The following TMEM45B variants were observed in gnomAD, a reference collection of about 807,000 sequenced individuals.
The protein encoded by TMEM45B is transmembrane protein 45B.
Under a neutral mutation model 27.3 loss-of-function variants are expected in TMEM45B, and 29 were observed. The observed-to-expected ratio is 1.06, with a 90% CI of 0.79 to 1.45. The LOEUF (loss-of-function observed/expected upper bound fraction) is 1.45. Ranked by LOEUF, TMEM45B falls within the 40% of genes most tolerant of loss-of-function variation. TMEM45B has a pLI of 0.00. For missense variants in TMEM45B, 348 were observed against 343.9 expected (o/e 1.01, Z -0.09); for synonymous variants, 143 against 134.7 (o/e 1.06, Z -0.43).
At chr11:129,822,363 C>T (rs973887880) in intron 1 of TMEM45B, among the ~76,000 whole-genome samples, 5 of 152,240 alleles carry the variant, frequency 3.3e-5, no homozygotes, top group African/African-American at 1.2e-4. Flanking sequence ...CTGCCTTTCA[C>T]GTTGGAAGCT....
At chr11:129,855,940 C>A in intron 4 of TMEM45B, 48 bp downstream of exon 4, 1 of 1,596,814 alleles carries the variant, frequency 6.3e-7, no homozygotes, top group Non-Finnish European at 8.6e-7. Context: ...GGAGAAGCCC[C>A]CACCGAGCGC....
intron 1 of TMEM45B, among the ~76,000 whole-genome samples, chr11:129,839,525 A>C (rs1305579852): frequency 1.3e-5 from 2 of 152,192 alleles, no homozygotes; most frequent in African/African-American, 4.8e-5. Flanking sequence ...CCTTTGTGAA[A>C]GCACTTATTT....
chr11:129,839,221 G>T (rs1424304770), intron 1 of TMEM45B, among the ~76,000 whole-genome samples: 3 of 152,162 alleles, frequency 2.0e-5, no homozygotes, highest in African/African-American at 7.2e-5. Flanking sequence ...CTTCTTGGTG[G>T]CCAGCTTGGT....
chr11:129,837,600 T>TTTTTTTTA (rs1591441385), intron 1 of TMEM45B, among the ~76,000 whole-genome samples: 19 of 133,256 alleles, frequency 1.4e-4, no homozygotes, highest in South Asian at 5.2e-4. Flanking sequence ...TTTTTTTTTT[T>TTTTTTTTA]GAGACAGGGT....
rs536495864 is a variant in TMEM45B at position 129,815,886 on chromosome 11, G to A, written c.-21G>A. 329 of 1,304,488 alleles carry A rather than the reference G, an allele frequency of 2.5e-4. 1 individual carries two copies. In the African/African-American group the frequency reaches 4.4e-3, roughly 17 times the overall value. The allele number at this position is 1,304,488 out of a possible 1,614,324, so 80.8% of individuals were successfully genotyped here. ...GGCGCGGGCTGCAGACGGCTGCGAG[G>A]CGCTGGGCACAGGTCAGACGTCCGT... On this transcript the variant is annotated 5_prime_UTR_variant, in exon 1 of 6. Coordinates refer to ENST00000281441, the MANE Select transcript of TMEM45B (RefSeq NM_138788.5).
intron 1 of TMEM45B, among the ~76,000 whole-genome samples, chr11:129,817,353 TGTGACA>T (rs2135545969): frequency 6.6e-6 from 1 of 152,318 alleles, no homozygotes; most frequent in South Asian, 2.1e-4. Context: ...CTTAGCTCTT[TGTGACA>T]GTGAGCTTCT....
chr11:129,856,553 GC>G (rs1422532246), intron 4 of TMEM45B, among the ~76,000 whole-genome samples: 10 of 127,818 alleles, frequency 7.8e-5, no homozygotes, highest in African/African-American at 2.2e-4. Flanking sequence ...TTAAGCTGAA[GC>G]CTTTTTTTTT....
chr11:129,836,446 A>G (rs1947621264), intron 1 of TMEM45B, among the ~76,000 whole-genome samples: 1 of 152,108 alleles, frequency 6.6e-6, no homozygotes, highest in Non-Finnish European at 1.5e-5. Flanking sequence ...TGCATATGAG[A>G]AGGATATGGA....
chr11:129,828,497 C>T (rs748666416), intron 1 of TMEM45B, among the ~76,000 whole-genome samples: 26 of 152,200 alleles, frequency 1.7e-4, no homozygotes, highest in African/African-American at 5.8e-4. Context: ...TTCAGGACTG[C>T]GGCCACAGTC....
At chr11:129,831,379 C>T (rs1486146563) in intron 1 of TMEM45B, among the ~76,000 whole-genome samples, 1 of 152,168 alleles carries the variant, frequency 6.6e-6, no homozygotes, top group Non-Finnish European at 1.5e-5. Context: ...ACTATGATAC[C>T]ATGACAGTCA....
At chr11:129,820,684 G>A (rs1228421390) in intron 1 of TMEM45B, among the ~76,000 whole-genome samples, 2 of 152,142 alleles carry the variant, frequency 1.3e-5, no homozygotes, top group African/African-American at 2.4e-5. Flanking sequence ...TAGCAAAAGC[G>A]ACTTTATTTT....
chr11:129,855,913 C>T (rs538053574), intron 4 of TMEM45B, 21 bp downstream of exon 4: 10 of 1,613,292 alleles, frequency 6.2e-6, no homozygotes, highest in Non-Finnish European at 7.6e-6. Flanking sequence ...ACACCCAGGC[C>T]CCTCGCTGGT....
chr11:129,837,089 G>A (rs775370253), intron 1 of TMEM45B, among the ~76,000 whole-genome samples: 3 of 152,018 alleles, frequency 2.0e-5, no homozygotes, highest in Non-Finnish European at 4.4e-5. Flanking sequence ...TCCTGCTCTC[G>A]CCCAGGCCTG....
chr11:129,824,821 C>T (rs183431404), intron 1 of TMEM45B, among the ~76,000 whole-genome samples: 237 of 152,268 alleles, frequency 1.6e-3, no homozygotes, highest in Non-Finnish European at 1.6e-3. Context: ...AGAGGTGAGG[C>T]GCTTAGCCCA....
chr11:129,834,486 G>A (rs1947594111), intron 1 of TMEM45B, among the ~76,000 whole-genome samples: 1 of 71,268 alleles, frequency 1.4e-5, no homozygotes, highest in South Asian at 7.8e-4. Context: ...ATTCCAGTGA[G>A]GACTGAGAAA....
At chr11:129,842,430 C>G (rs1161694893) in intron 1 of TMEM45B, among the ~76,000 whole-genome samples, 2 of 152,112 alleles carry the variant, frequency 1.3e-5, no homozygotes, top group Non-Finnish European at 2.9e-5. Context: ...CAATATAGTA[C>G]TGGCATAAAA....
intron 1 of TMEM45B, among the ~76,000 whole-genome samples, chr11:129,840,424 A>G (rs1289785118): frequency 6.6e-6 from 1 of 152,310 alleles, no homozygotes; most frequent in South Asian, 2.1e-4. Flanking sequence ...AAGTGCAGGG[A>G]GGAGGGAAGC....
intron 1 of TMEM45B, among the ~76,000 whole-genome samples, chr11:129,823,915 G>A (rs1234725491): frequency 2.6e-5 from 4 of 151,884 alleles, no homozygotes; most frequent in African/African-American, 4.8e-5. Context: ...GTCTTTGATC[G>A]GCCTGCACTT....
rs898837619 is a variant in TMEM45B, at chr11:129,855,949, G to A, written c.570+57G>A. Reference sequence around the variant, plus strand: ...CTGGATGGAGAAGCCCCCACCGAGCGCATCCCAGAGAAATCCCTGACGAGA... The same window carrying A: ...CTGGATGGAGAAGCCCCCACCGAGCACATCCCAGAGAAATCCCTGACGAGA... On this transcript the variant is annotated intron_variant, in intron 4 of 5. Coordinates refer to ENST00000281441, the MANE Select transcript of TMEM45B (RefSeq NM_138788.5). 1.8e-5 allele frequency: 29 copies of A among 1,584,424 alleles called. 1 individual carries two copies. The highest frequency in any genetic ancestry group is 8.6e-5 in the Admixed American group (5 of 58,224).
Sources: allele counts gnomAD v4.1 joint callset (sites outside exome capture counted in the v4.1 genomes callset), GRCh38; gene constraint gnomAD v4.1.1; transcripts MANE v1.5; gene names NCBI Gene and HGNC (gene_info 2026-07-23, HGNC 2026-07-21).